The following ERCC6L2 variants were observed in gnomAD, a reference collection of about 807,000 sequenced individuals.
The protein encoded by ERCC6L2 is DNA excision repair protein ERCC-6-like 2.
Under a neutral mutation model 132.0 loss-of-function variants are expected in ERCC6L2, and 77 were observed. The ratio of observed to expected loss-of-function variants is 0.58; its 90% CI spans 0.49 to 0.71. The LOEUF (loss-of-function observed/expected upper bound fraction) is 0.71. Ranked by LOEUF, ERCC6L2 falls within the 30% of genes least tolerant of loss-of-function variation. The pLI is 0.00. For synonymous variants in ERCC6L2, 583 were observed against 632.4 expected (o/e 0.92, Z 1.17); for missense variants, 1,542 against 1,837.6 (o/e 0.84, Z 2.94).
At chr9:95,896,574 A>AC (rs1232052981) in intron 2 of ERCC6L2, among the ~76,000 whole-genome samples, 1 of 151,774 alleles carries the variant, frequency 6.6e-6, no homozygotes, top group Admixed American at 6.6e-5. Context: ...GGCATGAGCC[A>AC]CCCTGTGCCC....
chr9:95,957,774 G>A (rs1384739650), intron 13 of ERCC6L2, among the ~76,000 whole-genome samples: 1 of 151,844 alleles, frequency 6.6e-6, no homozygotes, highest in African/African-American at 2.4e-5. Context: ...ACTAAATATG[G>A]TTTAAAGATA....
At chr9:96,025,469 G>A (rs1834348232) in intron 19 of ERCC6L2, among the ~76,000 whole-genome samples, 1 of 152,196 alleles carries the variant, frequency 6.6e-6, no homozygotes. Context: ...TGCCTCCGAG[G>A]CCCCCTTGCT....
chr9:95,918,526 A>G, intron 6 of ERCC6L2: 1 of 485,490 alleles, frequency 2.1e-6, no homozygotes, highest in Admixed American at 2.2e-5. Context: ...CTTGCTAAAG[A>G]CAAAATGATG....
chr9:95,931,098 G>C, intron 11 of ERCC6L2, among the ~76,000 whole-genome samples: 1 of 152,150 alleles, frequency 6.6e-6, no homozygotes, highest in Non-Finnish European at 1.5e-5. Flanking sequence ...CGACCTTTTG[G>C]TCAATGCAAG....
At chr9:95,886,155 A>G (rs539644533) in intron 2 of ERCC6L2, among the ~76,000 whole-genome samples, 37 of 152,238 alleles carry the variant, frequency 2.4e-4, no homozygotes, top group Non-Finnish European at 4.6e-4. Context: ...AGCTGGGACC[A>G]TAGTTGCTCA....
chr9:95,930,684 A>G (rs941188763), intron 11 of ERCC6L2, among the ~76,000 whole-genome samples: 7 of 152,120 alleles, frequency 4.6e-5, no homozygotes, highest in Admixed American at 2.0e-4. Flanking sequence ...GTACTTCTGC[A>G]TTAGATCCAT....
chr9:96,009,073 C>T lies in ERCC6L2; in HGVS notation c.3675-3152C>T, dbSNP rs530182424. 9.8e-5 allele frequency among the ~76,000 whole-genome samples: 15 copies of T among 152,328 alleles called. No homozygotes were observed. In the South Asian group the frequency reaches 1.2e-3, roughly 13 times the overall value. ...CCAGCCTGATGAAATCCTTCAGCTC[C>T]GGCACCAGATCAGATGTTGCAATCA... On this transcript the variant is annotated intron_variant, in intron 18 of 18. Coordinates refer to ENST00000653738, the MANE Select transcript of ERCC6L2 (RefSeq NM_020207.7).
At chr9:95,964,753 C>A (rs62562988) in intron 13 of ERCC6L2, among the ~76,000 whole-genome samples, 21,871 of 152,116 alleles carry the variant, frequency 0.14, 1,698 homozygotes, top group East Asian at 0.25. Context: ...TTTTTAGTTA[C>A]TATTTTCCCC....
chr9:96,025,549 C>T (rs924591577), intron 19 of ERCC6L2, among the ~76,000 whole-genome samples: 1 of 151,934 alleles, frequency 6.6e-6, no homozygotes, highest in Non-Finnish European at 1.5e-5. Context: ...GGAAGGGACA[C>T]TGAGCTACAC....
At chr9:95,964,653 CTTCT>C (rs1359952668) in intron 13 of ERCC6L2, among the ~76,000 whole-genome samples, 1 of 152,066 alleles carries the variant, frequency 6.6e-6, no homozygotes, top group Admixed American at 6.6e-5. Context: ...TTTCTTTTTA[CTTCT>C]TTCTTTATTT....
At chr9:95,928,930 A>G in intron 11 of ERCC6L2, 66 bp downstream of exon 11, 1 of 1,254,898 alleles carries the variant, frequency 8.0e-7, no homozygotes, top group South Asian at 1.7e-5. Flanking sequence ...CATAATTTTT[A>G]AAACTATTAC....
chr9:95,958,860 G>C (rs2133007773), intron 13 of ERCC6L2, among the ~76,000 whole-genome samples: 1 of 152,100 alleles, frequency 6.6e-6, no homozygotes, highest in South Asian at 2.1e-4. Flanking sequence ...GCAAACCACT[G>C]CTCAATGAAA....
intron 13 of ERCC6L2, among the ~76,000 whole-genome samples, chr9:95,960,035 A>C (rs970366764): frequency 1.3e-5 from 2 of 152,110 alleles, no homozygotes; most frequent in African/African-American, 4.8e-5. Context: ...AGCCCTTATA[A>C]TCCTATCCCA....
intron 1 of ERCC6L2, among the ~76,000 whole-genome samples, chr9:95,877,804 A>G (rs190440951): frequency 3.4e-5 from 5 of 145,964 alleles, no homozygotes; most frequent in Non-Finnish European, 6.1e-5. Context: ...ACTCTTGTCT[A>G]AAAAAAAAAA....
chr9:95,897,794 T>C, intron 2 of ERCC6L2, 55 bp from the exon 3 acceptor site: 1 of 1,582,874 alleles, frequency 6.3e-7, no homozygotes, highest in Non-Finnish European at 8.6e-7. Flanking sequence ...AGCAGTGAAA[T>C]TTTGTACGTC....
intron 4 of ERCC6L2, among the ~76,000 whole-genome samples, chr9:95,907,618 C>A (rs1829111670): frequency 6.6e-6 from 1 of 151,854 alleles, no homozygotes; most frequent in African/African-American, 2.4e-5. Context: ...GAAGGAAAAA[C>A]CTGCATCAGG....
At chr9:95,947,272 G>A (rs1035877343) in intron 12 of ERCC6L2, among the ~76,000 whole-genome samples, 7 of 152,158 alleles carry the variant, frequency 4.6e-5, no homozygotes, top group African/African-American at 1.4e-4. Context: ...TACGAAGAAA[G>A]TTTTAGTGGT....
intron 12 of ERCC6L2, among the ~76,000 whole-genome samples, chr9:95,952,768 A>T (rs542062931): frequency 4.6e-5 from 7 of 152,022 alleles, no homozygotes; most frequent in Non-Finnish European, 8.8e-5. Context: ...TAAGCCTGGG[A>T]GACGAAGGTT....
intron 13 of ERCC6L2, among the ~76,000 whole-genome samples, chr9:95,962,193 A>G (rs1446169683): frequency 6.6e-6 from 1 of 152,064 alleles, no homozygotes; most frequent in South Asian, 2.1e-4. Context: ...ATAAAATAAG[A>G]CCATTTGCAT....
Sources: gnomAD v4.1 joint callset for allele counts (sites outside exome capture counted in the v4.1 genomes callset) on GRCh38, gnomAD v4.1.1 for gene constraint, MANE v1.5 for transcripts, NCBI Gene and HGNC (gene_info 2026-07-23, HGNC 2026-07-21) for gene names.